UNC79: variants seen among roughly 807,000 people sequenced by gnomAD.
The protein encoded by UNC79 is unc-79 subunit of NALCN channel complex.
In UNC79, 37 loss-of-function variants were observed where a neutral mutation model predicts 283.1. That is an observed-to-expected ratio of 0.13 (90% CI 0.10 to 0.17). The LOEUF (loss-of-function observed/expected upper bound fraction) is 0.17. UNC79 is among the 10% of genes least tolerant of loss of function. UNC79 has a pLI of 1.00. For synonymous variants in UNC79, 1,107 were observed against 1,200.2 expected (o/e 0.92, Z 1.61); for missense variants, 2,272 against 3,211.1 (o/e 0.71, Z 7.07).
At chr14:93,371,347 A>G (rs1167196120) in intron 1 of UNC79, among the ~76,000 whole-genome samples, 2 of 151,754 alleles carry the variant, frequency 1.3e-5, no homozygotes, top group Admixed American at 1.3e-4. Flanking sequence ...AGATCGCACC[A>G]TGGCACTCCA....
chr14:93,633,991 G>A (rs1426834259), intron 31 of UNC79, among the ~76,000 whole-genome samples: 1 of 152,078 alleles, frequency 6.6e-6, no homozygotes, highest in Non-Finnish European at 1.5e-5. Flanking sequence ...CTGGTTCCAA[G>A]TCATATAATT....
rs2064149398 is a variant in UNC79, at chr14:93,585,405, T to C, written c.2804-1191T>C. On this transcript the variant is annotated intron_variant, in intron 20 of 48. Transcript: ENST00000555664. Reference sequence around the variant, plus strand: ...CTCCCTTCTAGTGTGTTTCCCTTTTTCCCATCTTGAGGCCTGGCCCTATTT... The same window carrying C: ...CTCCCTTCTAGTGTGTTTCCCTTTTCCCCATCTTGAGGCCTGGCCCTATTT... 2.6e-5 allele frequency among the ~76,000 whole-genome samples: 4 copies of C among 152,298 alleles called. No individual in the cohort carries two copies. In the South Asian group the frequency reaches 8.3e-4, roughly 32 times the overall value.
At chr14:93,641,538 A>C (rs1403453076) in intron 33 of UNC79, among the ~76,000 whole-genome samples, 1 of 152,130 alleles carries the variant, frequency 6.6e-6, no homozygotes, top group Admixed American at 6.5e-5. Context: ...CTGTAGTCCC[A>C]GCTGCTAGGG....
At chr14:93,505,672 T>C (rs1374854112) in intron 7 of UNC79, among the ~76,000 whole-genome samples, 2 of 151,912 alleles carry the variant, frequency 1.3e-5, no homozygotes, top group African/African-American at 2.4e-5. Flanking sequence ...TGACTTTAAA[T>C]CCACAATTTT....
Position 93,531,337 on chromosome 14 carries a change from A to G in UNC79, c.1094-1213A>G, listed in dbSNP as rs541434936. Among the ~76,000 whole-genome samples the G allele has an allele frequency of 8.5e-5, 13 of 152,228 alleles. No homozygotes were observed. Among genetic ancestry groups the G allele is most frequent in the Non-Finnish European group, 1.6e-4 (11 of 68,036 alleles). On this transcript the variant is annotated intron_variant, in intron 10 of 48. Coordinates refer to ENST00000555664, the Ensembl canonical transcript of UNC79. The surrounding 1 kb of genome is among the most constrained non-coding windows in gnomAD (Gnocchi z 4.2). ...GATTACCAGACAGGGTTTGGGAGAC[A>G]TTTACCTTTGATCTTTTAAATAAAT...
intron 2 of UNC79, among the ~76,000 whole-genome samples, chr14:93,471,053 G>A (rs2057474228): frequency 6.6e-6 from 1 of 152,016 alleles, no homozygotes; most frequent in South Asian, 2.1e-4. Flanking sequence ...TTACATTTGG[G>A]GAAAGCTGCT....
At chr14:93,475,474 T>G (rs2057747815) in intron 3 of UNC79, among the ~76,000 whole-genome samples, 1 of 152,266 alleles carries the variant, frequency 6.6e-6, no homozygotes, top group African/African-American at 2.4e-5. Context: ...ATTTGTTTTT[T>G]CTTACATTTA....
At chr14:93,382,205 C>T (rs2054678423) in intron 1 of UNC79, among the ~76,000 whole-genome samples, 1 of 152,136 alleles carries the variant, frequency 6.6e-6, no homozygotes. Context: ...CCACATATCT[C>T]AGGAGGCTGC....
chr14:93,585,985 T>C, intron 20 of UNC79, among the ~76,000 whole-genome samples: 1 of 151,292 alleles, frequency 6.6e-6, no homozygotes, highest in Non-Finnish European at 1.5e-5. Flanking sequence ...CAGGTTCAAG[T>C]GATTCTCTTG....
At chr14:93,416,349 C>G (rs886354540) in intron 1 of UNC79, among the ~76,000 whole-genome samples, 7 of 149,098 alleles carry the variant, frequency 4.7e-5, no homozygotes, top group African/African-American at 9.9e-5. Context: ...GTTTCTTAAT[C>G]CTGAGTTCTA....
At chr14:93,684,505 A>G (rs1221122861) in intron 42 of UNC79, among the ~76,000 whole-genome samples, 1 of 152,138 alleles carries the variant, frequency 6.6e-6, no homozygotes, top group Non-Finnish European at 1.5e-5. Context: ...TACCAAATCA[A>G]AGTTTCAAAT....
At chr14:93,493,211 G>A (rs1327862749) in intron 5 of UNC79, among the ~76,000 whole-genome samples, 1 of 152,112 alleles carries the variant, frequency 6.6e-6, no homozygotes, top group African/African-American at 2.4e-5. Flanking sequence ...TCAGGAAGAG[G>A]AATCTCATGT....
At chr14:93,469,436 G>A (rs2057384558) in intron 2 of UNC79, among the ~76,000 whole-genome samples, 1 of 152,118 alleles carries the variant, frequency 6.6e-6, no homozygotes, top group African/African-American at 2.4e-5. Context: ...CTGTTGATAT[G>A]TACATCTATA....
intron 7 of UNC79, among the ~76,000 whole-genome samples, chr14:93,516,408 A>G (rs2060054316): frequency 7.6e-6 from 1 of 130,810 alleles, no homozygotes; most frequent in South Asian, 2.3e-4. Context: ...TTTTACTATC[A>G]GTTTGTAATT....
intron 7 of UNC79, among the ~76,000 whole-genome samples, chr14:93,513,532 T>G (rs895529778): frequency 2.0e-5 from 3 of 152,114 alleles, no homozygotes; most frequent in Admixed American, 1.3e-4. Context: ...TTGTACCTTT[T>G]TATGGGATAT....
intron 1 of UNC79, among the ~76,000 whole-genome samples, chr14:93,361,408 G>T (rs1039131971): frequency 6.6e-6 from 1 of 151,388 alleles, no homozygotes; most frequent in Admixed American, 6.6e-5. Flanking sequence ...TTACCTGGGA[G>T]GCTGAGGTGG....
chr14:93,690,119 C>G lies in UNC79; in HGVS notation c.7088C>G (p.Pro2363Arg). ...TAACACTCCTTCTTCTCTAATAGAC[C>G]TAAAGAATTCATTGAGTGTGTCTCC... Residue 2363 changes from proline to arginine, a missense_variant and splice_region_variant, in exon 45 of 49, where the codon CCT (proline) becomes CGT (arginine). By Grantham distance (103) the Pro-to-Arg change is moderately radical. Coordinates refer to ENST00000555664, the Ensembl canonical transcript of UNC79. The surrounding 1 kb of genome is among the most constrained non-coding windows in gnomAD (Gnocchi z 4.3). 1.9e-6 allele frequency: 3 copies of G among 1,613,848 alleles called. No individual in the cohort carries two copies. The highest frequency in any genetic ancestry group is 1.1e-5 in the South Asian group (1 of 90,994).
At chr14:93,593,373 C>A (rs184039850) in intron 22 of UNC79, among the ~76,000 whole-genome samples, 4 of 152,218 alleles carry the variant, frequency 2.6e-5, no homozygotes, top group Non-Finnish European at 2.9e-5. Context: ...ATCATCCTAA[C>A]GTACCTAATT....
At chr14:93,595,441 G>A (rs1043628422) in intron 23 of UNC79, among the ~76,000 whole-genome samples, 6 of 152,050 alleles carry the variant, frequency 3.9e-5, no homozygotes, top group Admixed American at 6.6e-5. Flanking sequence ...TTTTTTGAAT[G>A]CCTAGAGAAT....
Sources: allele counts gnomAD v4.1 joint callset (sites outside exome capture counted in the v4.1 genomes callset), GRCh38; gene constraint gnomAD v4.1.1; non-coding constraint Gnocchi (gnomAD v3.1); transcripts MANE v1.5; gene names NCBI Gene and HGNC (gene_info 2026-07-23, HGNC 2026-07-21).